Variants in MYO3B observed in about 807,000 individuals in gnomAD.
MYO3B encodes myosin-IIIb.
A neutral mutation model predicts 174.6 loss-of-function variants in MYO3B; 156 were observed. The ratio of observed to expected loss-of-function variants is 0.89; its 90% CI spans 0.78 to 1.02. The LOEUF is 1.02. Ranked by LOEUF, MYO3B falls within the 50% of genes least tolerant of loss-of-function variation. MYO3B has a pLI of 0.00. For missense variants in MYO3B, 1,632 were observed against 1,639.4 expected (o/e 1.00, Z 0.08); for synonymous variants, 563 against 569.1 (o/e 0.99, Z 0.15).
intron 7 of MYO3B, among the ~76,000 whole-genome samples, chr2:170,287,471 C>G (rs1472252414): frequency 6.6e-6 from 1 of 151,586 alleles, no homozygotes; most frequent in African/African-American, 2.4e-5. Flanking sequence ...TTTGCATTTC[C>G]CTGTTGATTA....
At chr2:170,418,981 TC>T (rs1215292204) in intron 22 of MYO3B, among the ~76,000 whole-genome samples, 1 of 152,156 alleles carries the variant, frequency 6.6e-6, no homozygotes, top group Non-Finnish European at 1.5e-5. Flanking sequence ...AATGGAGGGA[TC>T]CTTTGTGAGC....
intron 7 of MYO3B, among the ~76,000 whole-genome samples, chr2:170,305,125 T>G (rs1318813269): frequency 3.3e-5 from 5 of 152,148 alleles, no homozygotes; most frequent in African/African-American, 1.2e-4. Flanking sequence ...TTCTGATTGA[T>G]TCAAGTAGGA....
intron 31 of MYO3B, 105 bp downstream of exon 31, chr2:170,543,071 A>G (rs1198616102): frequency 4.7e-6 from 4 of 842,388 alleles, no homozygotes; most frequent in Non-Finnish European, 5.6e-6. Context: ...GGACCATCCA[A>G]ACTTGAAACT....
intron 30 of MYO3B, among the ~76,000 whole-genome samples, chr2:170,539,623 ATTT>A (rs60303631): frequency 6.7e-6 from 1 of 148,672 alleles, no homozygotes; most frequent in Non-Finnish European, 1.5e-5. Context: ...TTATTTATTT[ATTT>A]TTTTTTTTTT....
chr2:170,405,072 A>G (rs114831917), intron 20 of MYO3B, among the ~76,000 whole-genome samples: 1,812 of 152,320 alleles, frequency 0.012, 47 homozygotes, highest in African/African-American at 0.041. Flanking sequence ...TAAGCTTTCA[A>G]CCACAATAGC....
chr2:170,630,268 G>C (rs561049289), intron 32 of MYO3B, among the ~76,000 whole-genome samples: 1 of 152,144 alleles, frequency 6.6e-6, no homozygotes, highest in Non-Finnish European at 1.5e-5. Context: ...TGCACTTGGC[G>C]CAGTGGGTCC....
chr2:170,630,771 G>C (rs1696890478), intron 32 of MYO3B, among the ~76,000 whole-genome samples: 1 of 152,198 alleles, frequency 6.6e-6, no homozygotes, highest in Admixed American at 6.5e-5. Context: ...ACAGGGTCTG[G>C]AGTGGACCTC....
intron 3 of MYO3B, among the ~76,000 whole-genome samples, chr2:170,207,118 A>G (rs1477756449): frequency 1.3e-5 from 2 of 152,100 alleles, no homozygotes; most frequent in East Asian, 1.9e-4. Context: ...AGATTTCCAA[A>G]TGGGAAGAGG....
chr2:170,270,859 A>G (rs111823960), intron 7 of MYO3B, among the ~76,000 whole-genome samples: 13 of 152,330 alleles, frequency 8.5e-5, no homozygotes, highest in African/African-American at 2.6e-4. Context: ...TGTGTGTTTC[A>G]TAAGCCTTTT....
chr2:170,342,784 ACCACAG>A (rs2093986026), intron 8 of MYO3B, among the ~76,000 whole-genome samples: 1 of 152,128 alleles, frequency 6.6e-6, no homozygotes, highest in African/African-American at 2.4e-5. Context: ...GAGTCCCAAG[ACCACAG>A]CTAGTACATG....
At chr2:170,545,333 A>G (rs1342641447) in intron 32 of MYO3B, among the ~76,000 whole-genome samples, 1 of 152,222 alleles carries the variant, frequency 6.6e-6, no homozygotes, top group African/African-American at 2.4e-5. Context: ...ATAGTAATGC[A>G]TATCTGAGTG....
chr2:170,362,461 G>A (rs1024733747), intron 8 of MYO3B, among the ~76,000 whole-genome samples: 7 of 152,238 alleles, frequency 4.6e-5, no homozygotes, highest in South Asian at 2.1e-4. Flanking sequence ...CTGCCCTGTC[G>A]TCCAGTAGCC....
intron 32 of MYO3B, among the ~76,000 whole-genome samples, chr2:170,567,357 T>C (rs988077903): frequency 2.0e-5 from 3 of 152,208 alleles, no homozygotes; most frequent in Non-Finnish European, 2.9e-5. Flanking sequence ...CAGCTAACCA[T>C]GTAAATTTTT....
At chr2:170,407,019 C>T (rs1209736411) in intron 21 of MYO3B, among the ~76,000 whole-genome samples, 1 of 152,224 alleles carries the variant, frequency 6.6e-6, no homozygotes, top group Non-Finnish European at 1.5e-5. Flanking sequence ...GGGCACATTA[C>T]TCAGCCTCTT....
At chr2:170,456,124 C>A (rs1191697571) in intron 23 of MYO3B, among the ~76,000 whole-genome samples, 1 of 151,898 alleles carries the variant, frequency 6.6e-6, no homozygotes, top group African/African-American at 2.4e-5. Flanking sequence ...ATATACCCTT[C>A]TTAAGGGAGA....
chr2:170,327,134 C>G (rs1408375459), intron 7 of MYO3B, among the ~76,000 whole-genome samples: 1 of 152,226 alleles, frequency 6.6e-6, no homozygotes, highest in Non-Finnish European at 1.5e-5. Context: ...CGCCTGTAAT[C>G]CCAGCACTTT....
chr2:170,386,653 T>C (rs1332223260), intron 13 of MYO3B, among the ~76,000 whole-genome samples: 2 of 152,106 alleles, frequency 1.3e-5, no homozygotes, highest in Non-Finnish European at 2.9e-5. Flanking sequence ...GAAATGAAAA[T>C]TTTCAGCTTG....
chr2:170,299,523 C>T (rs1057500809), intron 7 of MYO3B, among the ~76,000 whole-genome samples: 1 of 152,156 alleles, frequency 6.6e-6, no homozygotes, highest in Non-Finnish European at 1.5e-5. Flanking sequence ...ATAAGCCAGG[C>T]ACTGGCCTGA....
rs1259562984 is a variant in MYO3B, at chr2:170,654,042, T to TAACTA, written c.*923_*927dup. The TAACTA allele has an allele frequency of 1.3e-5, 2 of 151,996 alleles. No individual in the cohort carries two copies. The highest frequency in any genetic ancestry group is 6.6e-5 in the Admixed American group (1 of 15,266). 9.4% of individuals were successfully genotyped at this position (151,996 alleles called of 1,614,324 possible). The stretch of plus-strand genomic sequence containing the variant: ...TGAATGGAGAATACATGGAGAAACT[T>TAACTA]AACTAAGTTACACAAGCATATCTGA... On this transcript the variant is annotated 3_prime_UTR_variant, in exon 35 of 35. Coordinates refer to ENST00000408978, the MANE Select transcript of MYO3B (RefSeq NM_138995.5).
Sources: allele counts gnomAD v4.1 joint callset (sites outside exome capture counted in the v4.1 genomes callset), GRCh38; gene constraint gnomAD v4.1.1; transcripts MANE v1.5; gene names NCBI Gene and HGNC (gene_info 2026-07-23, HGNC 2026-07-21).